Variants in HEBP2 observed in about 807,000 individuals in gnomAD.
HEBP2 encodes heme binding protein 2.
A neutral mutation model predicts 23.1 loss-of-function variants in HEBP2; 27 were observed. The observed-to-expected ratio is 1.17, with a 90% CI of 0.86 to 1.61. HEBP2 has a LOEUF of 1.61. Ranked by LOEUF, HEBP2 falls within the 40% of genes most tolerant of loss-of-function variation. HEBP2 has a pLI of 0.00. For synonymous variants in HEBP2, 99 were observed against 95.1 expected (o/e 1.04, Z -0.24); for missense variants, 245 against 253.8 (o/e 0.97, Z 0.24).
chr6:138,404,286 G>C lies in HEBP2; in HGVS notation c.-210G>C, dbSNP rs532912180. 5 of 333,768 alleles carry C rather than the reference G, an allele frequency of 1.5e-5. No homozygotes were observed. The highest frequency in any genetic ancestry group is 2.7e-5 in the Non-Finnish European group (5 of 185,392). 20.7% of individuals were successfully genotyped at this position (333,768 alleles called of 1,614,324 possible). A position where few individuals can be genotyped will look rare whatever the true frequency, so the allele number is the denominator to read the frequency against. ...TCCGGCCGGAGCTGTCCGGGGTCGT[G>C]AGCCGGCCCCGCCTTGGTGGCGGCG... On this transcript the variant is annotated 5_prime_UTR_variant, in exon 1 of 4. Transcript: ENST00000607197.
intron 1 of HEBP2, 137 bp from the exon 2 acceptor site, chr6:138,405,008 T>G: frequency 1.1e-6 from 1 of 910,650 alleles, no homozygotes; most frequent in Non-Finnish European, 1.7e-6. Context: ...AGCGGGGACC[T>G]CAGGCCGGAC....
intron 3 of HEBP2, 50 bp downstream of exon 3, chr6:138,406,201 TGCACTCACAGTTTA>T: frequency 6.6e-7 from 1 of 1,507,888 alleles, no homozygotes; most frequent in Non-Finnish European, 9.2e-7. Flanking sequence ...TTTACTTGCG[TGCACTCACAGTTTA>T]GCTCCAATGC....
At position 138,413,745 on chromosome 6, in the gene HEBP2, GGGAGT is replaced by G. The variant is rs1774793755; in HGVS notation, c.*668_*672del. ...TTCATTCATTCTTTAACTCATTGTA[GGGAGT>G]CCCTGCTATGTTCCAAGCACTCTGC... On this transcript the variant is annotated 3_prime_UTR_variant, in exon 4 of 4. Coordinates refer to ENST00000607197, the MANE Select transcript of HEBP2 (RefSeq NM_014320.3). The G allele has an allele frequency of 1.3e-5, 2 of 152,216 alleles. No individual in the cohort carries two copies. Among genetic ancestry groups the G allele is most frequent in the African/African-American group, 4.8e-5 (2 of 41,408 alleles). The allele number at this position is 152,216 out of a possible 1,614,324, so 9.4% of individuals were successfully genotyped here.
At chr6:138,407,923 A>C (rs1031002542) in intron 3 of HEBP2, among the ~76,000 whole-genome samples, 1 of 152,200 alleles carries the variant, frequency 6.6e-6, no homozygotes, top group Non-Finnish European at 1.5e-5. Flanking sequence ...AATGCAGGAA[A>C]CAGATTGGTG....
rs917716707 is a variant in HEBP2, at chr6:138,421,087, C to G, written c.*8009C>G. 6.6e-6 allele frequency: 1 copy of G among 152,180 alleles called. No individual in the cohort carries two copies. The highest frequency in any genetic ancestry group is 1.9e-4 in the East Asian group (1 of 5,196). 9.4% of individuals were successfully genotyped at this position (152,180 alleles called of 1,614,324 possible). On this transcript the variant is annotated 3_prime_UTR_variant, in exon 4 of 4. Coordinates refer to ENST00000607197, the MANE Select transcript of HEBP2 (RefSeq NM_014320.3). ...ACTGAGAGAAACTGTATTACAGTTACCGAGTGGCTTATTAAGGAAAGTGGC... is the reference window on the plus strand; with the variant it reads ...ACTGAGAGAAACTGTATTACAGTTAGCGAGTGGCTTATTAAGGAAAGTGGC...
intron 3 of HEBP2, among the ~76,000 whole-genome samples, chr6:138,412,507 G>T (rs1263321203): frequency 6.6e-6 from 1 of 152,170 alleles, no homozygotes; most frequent in Non-Finnish European, 1.5e-5. Flanking sequence ...AGGCTGGAGT[G>T]CAGTGGCGTG....
In HEBP2 at chr6:138,404,401, C is replaced by T. The variant is rs1774596254; in HGVS notation, c.-95C>T. On this transcript the variant is annotated 5_prime_UTR_variant, in exon 1 of 4. Transcript: ENST00000607197. Reference sequence around the variant, plus strand: ...GGACCGGGTCTGCGGAGCGGGGACTCGGGGCCTCGGCGGGGCGCGCACACG... The same window carrying T: ...GGACCGGGTCTGCGGAGCGGGGACTTGGGGCCTCGGCGGGGCGCGCACACG... The T allele has an allele frequency of 1.2e-6, 1 of 811,466 alleles. No homozygotes were observed. The highest frequency in any genetic ancestry group is 1.6e-6 in the Non-Finnish European group (1 of 614,316). 50.3% of individuals were successfully genotyped at this position (811,466 alleles called of 1,614,324 possible).
rs1774593798 is a variant in HEBP2 at position 138,404,350 on chromosome 6, C to T, written c.-146C>T. 9.1e-6 allele frequency: 4 copies of T among 439,696 alleles called. No homozygotes were observed. Among genetic ancestry groups the T allele is most frequent in the Non-Finnish European group, 1.1e-5 (3 of 278,082 alleles). 27.2% of individuals were successfully genotyped at this position (439,696 alleles called of 1,614,324 possible). ...CAGAGGCAGACGCATCGGGTGGGCT[C>T]GGGTCTCCAGCCCGGCCGGGAGGAG... On this transcript the variant is annotated 5_prime_UTR_variant, in exon 1 of 4. Transcript: ENST00000607197.
rs921916623 is a variant in HEBP2, at chr6:138,417,378, G to A, written c.*4300G>A. 1 of 152,130 alleles carries A rather than the reference G, an allele frequency of 6.6e-6. No homozygotes were observed. Among genetic ancestry groups the A allele is most frequent in the Admixed American group, 6.5e-5 (1 of 15,270 alleles). The allele number at this position is 152,130 out of a possible 1,614,324, so 9.4% of individuals were successfully genotyped here. A position where few individuals can be genotyped will look rare whatever the true frequency, so the allele number is the denominator to read the frequency against. On this transcript the variant is annotated 3_prime_UTR_variant, in exon 4 of 4. Coordinates refer to ENST00000607197, the MANE Select transcript of HEBP2 (RefSeq NM_014320.3). ...TTGAACAGTATTTTTTAAGCACCTC[G>A]GGTGAACATCTGCTTCTGGCCATGA...
rs1774640446 is a variant in HEBP2 at position 138,406,093 on chromosome 6, A to C, written c.361A>C (p.Arg121=). 6.2e-7 allele frequency: 1 copy of C among 1,614,058 alleles called. No individual in the cohort carries two copies. Among genetic ancestry groups the C allele is most frequent in the Non-Finnish European group, 8.5e-7 (1 of 1,180,026 alleles). ...CTCTGAACAGCAATTTGATCCACCCAGGCCTTTAGAGTCAGATGTCTTCAT... is the reference window on the plus strand; with the variant it reads ...CTCTGAACAGCAATTTGATCCACCCCGGCCTTTAGAGTCAGATGTCTTCAT... ...IPSEQQFDPP[R]PLESDVFIED... is the part of the protein sequence containing the mutation. Residue 121 remains arginine, a synonymous_variant, in exon 3 of 4, where the codon AGG becomes CGG. Transcript: ENST00000607197.
rs889383991 is a variant in HEBP2, at chr6:138,414,650, A to G, written c.*1572A>G. 10 of 152,224 alleles carry G rather than the reference A, an allele frequency of 6.6e-5. No homozygotes were observed. Among genetic ancestry groups the G allele is most frequent in the African/African-American group, 2.4e-4 (10 of 41,448 alleles). The allele number at this position is 152,224 out of a possible 1,614,324, so 9.4% of individuals were successfully genotyped here. ...ACGCCAGATTTCAAGATAAGGACAC[A>G]CTATTCTGTGGGAGAGAGGGACCTA... On this transcript the variant is annotated 3_prime_UTR_variant, in exon 4 of 4. Transcript: ENST00000607197.
rs1774820414 is a variant in HEBP2 at position 138,415,083 on chromosome 6, C to T, written c.*2005C>T. 1 of 152,158 alleles carries T rather than the reference C, an allele frequency of 6.6e-6. No individual in the cohort carries two copies. Among genetic ancestry groups the T allele is most frequent in the South Asian group, 2.1e-4 (1 of 4,826 alleles). The allele number at this position is 152,158 out of a possible 1,614,324, so 9.4% of individuals were successfully genotyped here. On this transcript the variant is annotated 3_prime_UTR_variant, in exon 4 of 4. Coordinates refer to ENST00000607197, the MANE Select transcript of HEBP2 (RefSeq NM_014320.3). Reference sequence around the variant, plus strand: ...AAAAAGTCCTAGTCATTTCTACCAACTCGAAAGCCCTCTAATAAGCAGTCT... The same window carrying T: ...AAAAAGTCCTAGTCATTTCTACCAATTCGAAAGCCCTCTAATAAGCAGTCT...
At chr6:138,409,907 G>A (rs553307246) in intron 3 of HEBP2, among the ~76,000 whole-genome samples, 12 of 152,286 alleles carry the variant, frequency 7.9e-5, no homozygotes, top group Middle Eastern at 6.8e-3. Context: ...TTTAAAATGC[G>A]TGTGATCATA....
In HEBP2 at chr6:138,413,293, A is replaced by G. The variant is rs563547137; in HGVS notation, c.*215A>G. On this transcript the variant is annotated 3_prime_UTR_variant, in exon 4 of 4. Coordinates refer to ENST00000607197, the MANE Select transcript of HEBP2 (RefSeq NM_014320.3). ...TCTGTAAACATATAAATCGGTCATA[A>G]CTATCGTGGTCTTTATTTCTGTGAG... 2 of 470,870 alleles carry G rather than the reference A, an allele frequency of 4.2e-6. No homozygotes were observed. Among genetic ancestry groups the G allele is most frequent in the South Asian group, 3.1e-5 (1 of 32,520 alleles). 29.2% of individuals were successfully genotyped at this position (470,870 alleles called of 1,614,324 possible).
chr6:138,403,710 T>C, upstream of HEBP2: 1 of 412,504 alleles, frequency 2.4e-6, no homozygotes, highest in South Asian at 7.7e-5. Flanking sequence ...TAACCAAAAT[T>C]CTTGAAAAGC....
At chr6:138,405,833 TTTTAAGATGAAAATTATC>T in intron 2 of HEBP2, 120 bp from the exon 3 acceptor site, 1 of 745,242 alleles carries the variant, frequency 1.3e-6, no homozygotes. Flanking sequence ...GGCCTTACTG[TTTTAAGATGAAAATTATC>T]TTAAAGGTAA....
At chr6:138,404,085 T>G, upstream of HEBP2, 1 of 213,354 alleles carries the variant, frequency 4.7e-6, no homozygotes, top group Non-Finnish European at 9.2e-6. Flanking sequence ...GCGGCAGAGG[T>G]TCCCAAACCG....
Position 138,413,085 on chromosome 6 carries a change from TGAAAG to T in HEBP2, c.*11_*15del. The stretch of plus-strand genomic sequence containing the variant: ...CACCAAAGAAAACGAATGAGAAAAA[TGAAAG>T]GAAGTTCTGCTGTCAGAGGCAAAAC... On this transcript the variant is annotated 3_prime_UTR_variant, in exon 4 of 4. Coordinates refer to ENST00000607197, the MANE Select transcript of HEBP2 (RefSeq NM_014320.3). 1 of 1,609,450 alleles carries T rather than the reference TGAAAG, an allele frequency of 6.2e-7. No individual in the cohort carries two copies. Among genetic ancestry groups the T allele is most frequent in the Non-Finnish European group, 8.5e-7 (1 of 1,177,152 alleles).
rs1279721205 is a variant in HEBP2, at chr6:138,404,324, C to T, written c.-172C>T. 1 of 369,464 alleles carries T rather than the reference C, an allele frequency of 2.7e-6. No individual in the cohort carries two copies. The highest frequency in any genetic ancestry group is 2.1e-5 in the African/African-American group (1 of 47,038). 22.9% of individuals were successfully genotyped at this position (369,464 alleles called of 1,614,324 possible). On this transcript the variant is annotated 5_prime_UTR_variant, in exon 1 of 4. Coordinates refer to ENST00000607197, the MANE Select transcript of HEBP2 (RefSeq NM_014320.3). ...CTTGGTGGCGGCGCCCCCTCGCGGT[C>T]CAGAGGCAGACGCATCGGGTGGGCT...
Sources: gnomAD v4.1 joint callset for allele counts (sites outside exome capture counted in the v4.1 genomes callset) on GRCh38, gnomAD v4.1.1 for gene constraint, MANE v1.5 for transcripts, NCBI Gene and HGNC (gene_info 2026-07-23, HGNC 2026-07-21) for gene names.